The following TSHR variants were observed in gnomAD, a reference collection of about 807,000 sequenced individuals.
TSHR encodes the protein thyrotropin receptor.
A neutral mutation model predicts 64.1 loss-of-function variants in TSHR; 51 were observed. The ratio of observed to expected loss-of-function variants is 0.80; its 90% CI spans 0.64 to 1.01. TSHR has a LOEUF of 1.01. Among genes scored for constraint, TSHR ranks in the 50% least tolerant of loss-of-function variants. TSHR has a pLI of 0.00. For missense variants in TSHR, 877 were observed against 942.8 expected (o/e 0.93, Z 0.91); for synonymous variants, 361 against 361.9 (o/e 1.00, Z 0.03).
In TSHR at chr14:81,049,124, T is replaced by C. The variant is rs568952830; in HGVS notation, c.171-13024T>C. Among the ~76,000 whole-genome samples, 3 of 152,300 alleles carry C rather than the reference T, an allele frequency of 2.0e-5. No individual in the cohort carries two copies. In the South Asian group the frequency reaches 6.2e-4, roughly 32 times the overall value. On this transcript the variant is annotated intron_variant, in intron 1 of 9. Coordinates refer to ENST00000298171, the MANE Select transcript of TSHR (RefSeq NM_000369.5). ...GAATGTACTGTACTCACGTAGGTCTTGTATTATTTCTTCATAGCATATAGT... is the reference window on the plus strand; with the variant it reads ...GAATGTACTGTACTCACGTAGGTCTCGTATTATTTCTTCATAGCATATAGT...
At chr14:81,125,112 T>C (rs138859698) in intron 8 of TSHR, among the ~76,000 whole-genome samples, 1 of 152,294 alleles carries the variant, frequency 6.6e-6, no homozygotes, top group Admixed American at 6.5e-5. Flanking sequence ...AACTGTAACA[T>C]AAGTTTAATG....
chr14:81,086,635 G>A (rs1052771927), intron 3 of TSHR, among the ~76,000 whole-genome samples: 1 of 152,180 alleles, frequency 6.6e-6, no homozygotes, highest in Non-Finnish European at 1.5e-5. Flanking sequence ...CTATTTTACA[G>A]ACAGGAAAAC....
At chr14:80,987,724 T>C (rs900450660) in intron 1 of TSHR, among the ~76,000 whole-genome samples, 5 of 152,202 alleles carry the variant, frequency 3.3e-5, no homozygotes, top group Non-Finnish European at 7.3e-5. Context: ...CTTTCTTTCC[T>C]ATATTCTTCA....
intron 1 of TSHR, chr14:80,991,664 C>T (rs1888731797): frequency 2.5e-6 from 1 of 398,172 alleles, no homozygotes. Flanking sequence ...TGCCAAAAGA[C>T]ATTGTAAAGT....
chr14:81,099,919 T>A (rs1254682312), intron 7 of TSHR, among the ~76,000 whole-genome samples: 1 of 152,178 alleles, frequency 6.6e-6, no homozygotes, highest in Non-Finnish European at 1.5e-5. Context: ...TGGATCTCAG[T>A]GTAGGTCTAG....
At position 81,144,213 on chromosome 14, in the gene TSHR, A is replaced by G; in HGVS notation, c.2155A>G (p.Ile719Val). Residue 719 changes from isoleucine (I) to valine (V), a missense_variant, in exon 10 of 10, where the codon ATT (isoleucine) becomes GTT (valine). Ile to Val is a conservative substitution (Grantham distance 29). Coordinates refer to ENST00000298171, the MANE Select transcript of TSHR (RefSeq NM_000369.5). The stretch of plus-strand genomic sequence containing the variant: ...GGTTCCTCCAAAGAACAGCACTGAT[A>G]TTCAGGTTCAAAAGGTTACCCACGA... ...QRVPPKNSTD[I>V]QVQKVTHEMR... The G allele has an allele frequency of 1.9e-6, 3 of 1,613,520 alleles. No homozygotes were observed. Among genetic ancestry groups the G allele is most frequent in the Non-Finnish European group, 2.5e-6 (3 of 1,179,628 alleles).
rs145265345 is a variant in TSHR, at chr14:81,062,137, T to C, written c.171-11T>C. The C allele has an allele frequency of 5.3e-4, 845 of 1,607,508 alleles. 2 individuals carry two copies. In the African/African-American group the frequency reaches 9.2e-3, roughly 18 times the overall value. On this transcript the variant is annotated splice_polypyrimidine_tract_variant and intron_variant, in intron 1 of 9. Transcript: ENST00000298171. The stretch of plus-strand genomic sequence containing the variant: ...ATTAAAACTCTAATTATGTAACTGT[T>C]ATTTTCACAGGAAGCTTATTGAGAC...
In TSHR at chr14:81,130,884, G is replaced by C. The variant is rs1183795980; in HGVS notation, c.693-8795G>C. Reference sequence around the variant, plus strand: ...CGGGTGCCTGTAGTCCCAGCTACTCGGGAGGCTGAGGCAGGAGAATGGCGT... The same window carrying C: ...CGGGTGCCTGTAGTCCCAGCTACTCCGGAGGCTGAGGCAGGAGAATGGCGT... On this transcript the variant is annotated intron_variant, in intron 8 of 9. Coordinates refer to ENST00000298171, the MANE Select transcript of TSHR (RefSeq NM_000369.5). Among the ~76,000 whole-genome samples the C allele has an allele frequency of 1.6e-5, 2 of 128,266 alleles. 1 individual carries two copies. The highest frequency in any genetic ancestry group is 7.6e-5 in the African/African-American group (2 of 26,168). The allele number at this position is 128,266 out of a possible 152,430, so 84.1% of individuals were successfully genotyped here. A position where few individuals can be genotyped will look rare whatever the true frequency, so the allele number is the denominator to read the frequency against.
intron 1 of TSHR, among the ~76,000 whole-genome samples, chr14:80,988,529 A>AC (rs1423720374): frequency 1.3e-5 from 2 of 152,148 alleles, no homozygotes; most frequent in Admixed American, 1.3e-4. Flanking sequence ...TTACAATTTG[A>AC]CCTGAGATTT....
chr14:81,079,876 A>G (rs1265227747), intron 3 of TSHR, among the ~76,000 whole-genome samples: 1 of 149,528 alleles, frequency 6.7e-6, no homozygotes, highest in African/African-American at 2.5e-5. Flanking sequence ...AAAAAAAAAA[A>G]GCAAAGAAAA....
chr14:80,962,033 G>T (rs927948034), intron 1 of TSHR, among the ~76,000 whole-genome samples: 1 of 152,076 alleles, frequency 6.6e-6, no homozygotes, highest in Non-Finnish European at 1.5e-5. Context: ...GAGATCCTCC[G>T]GGTTGAATGC....
intron 1 of TSHR, among the ~76,000 whole-genome samples, chr14:81,035,372 G>T (rs945794073): frequency 2.6e-5 from 4 of 152,162 alleles, no homozygotes; most frequent in African/African-American, 9.7e-5. Context: ...GACCTCACTG[G>T]ACAAGTCATG....
chr14:81,041,766 G>A (rs990497572), intron 1 of TSHR, among the ~76,000 whole-genome samples: 4 of 152,168 alleles, frequency 2.6e-5, no homozygotes, highest in African/African-American at 9.6e-5. Context: ...GGTTAGATAT[G>A]CTTAGGTACA....
chr14:81,099,776 T>C (rs1367598963), intron 7 of TSHR, among the ~76,000 whole-genome samples: 1 of 152,206 alleles, frequency 6.6e-6, no homozygotes, highest in East Asian at 1.9e-4. Context: ...TTTACGTATA[T>C]TGACTATTTT....
intron 1 of TSHR, among the ~76,000 whole-genome samples, chr14:80,978,312 T>A (rs542562780): frequency 6.6e-6 from 1 of 152,318 alleles, no homozygotes; most frequent in African/African-American, 2.4e-5. Context: ...TTGCAGGAAG[T>A]GATCTGCTCC....
At chr14:81,054,273 C>T (rs1483096492) in intron 1 of TSHR, among the ~76,000 whole-genome samples, 1 of 152,210 alleles carries the variant, frequency 6.6e-6, no homozygotes, top group African/African-American at 2.4e-5. Flanking sequence ...TGCCTTCCGC[C>T]ATGATTGTGA....
At chr14:81,084,370 GATAAA>G (rs142740363) in intron 3 of TSHR, among the ~76,000 whole-genome samples, 4,334 of 151,428 alleles carry the variant, frequency 0.029, 203 homozygotes, top group African/African-American at 0.098. Context: ...TTTTTATTTA[GATAAA>G]ATAAAAAGTG....
chr14:80,963,998 A>G (rs1453860131), intron 1 of TSHR, among the ~76,000 whole-genome samples: 2 of 152,208 alleles, frequency 1.3e-5, no homozygotes, highest in African/African-American at 4.8e-5. Flanking sequence ...CTATTAGACC[A>G]TGAAGTCCAG....
At chr14:81,062,047 A>T in intron 1 of TSHR, 101 bp from the exon 2 acceptor site, 1 of 1,065,414 alleles carries the variant, frequency 9.4e-7, no homozygotes, top group Non-Finnish European at 1.4e-6. Context: ...ACATATTGTG[A>T]AAACTGTCAT....
Sources: gnomAD v4.1 joint callset for allele counts (sites outside exome capture counted in the v4.1 genomes callset) on GRCh38, gnomAD v4.1.1 for gene constraint, MANE v1.5 for transcripts, NCBI Gene and HGNC (gene_info 2026-07-23, HGNC 2026-07-21) for gene names.